CDH18: variants seen among roughly 807,000 people sequenced by gnomAD.
The protein encoded by CDH18 is cadherin-18.
CDH18 carries 31 observed loss-of-function variants against 67.9 expected under a neutral mutation model. The ratio of observed to expected loss-of-function variants is 0.46; its 90% CI spans 0.34 to 0.62. The LOEUF (loss-of-function observed/expected upper bound fraction) is 0.62. Ranked by LOEUF, CDH18 falls within the 20% of genes least tolerant of loss-of-function variation. The pLI, the probability that CDH18 is intolerant of heterozygous loss-of-function variation, is 0.01. For missense variants in CDH18, 890 were observed against 975.5 expected, an observed-to-expected ratio of 0.91 and a Z score of 1.17; for synonymous variants, 362 against 347.2, an observed-to-expected ratio of 1.04 and a Z score of -0.48.
chr5:20,560,468 T>TATACACACAC (rs1554019495), intron 1 of CDH18, among the ~76,000 whole-genome samples: 1 of 127,606 alleles, frequency 7.8e-6, no homozygotes. Flanking sequence ...CCAACACTCA[T>TATACACACAC]ACACACACAC....
chr5:19,859,088 C>T (rs1285460540), intron 2 of CDH18, among the ~76,000 whole-genome samples: 1 of 152,082 alleles, frequency 6.6e-6, no homozygotes, highest in East Asian at 1.9e-4. Context: ...AAAATCAACG[C>T]CATTGTAAAC....
intron 1 of CDH18, among the ~76,000 whole-genome samples, chr5:20,553,242 C>T (rs1757733982): frequency 6.6e-6 from 1 of 152,062 alleles, no homozygotes; most frequent in Non-Finnish European, 1.5e-5. Context: ...TTAATCTGGG[C>T]ATGTTTTATC....
At chr5:20,152,772 T>C (rs530632920) in intron 2 of CDH18, among the ~76,000 whole-genome samples, 4 of 152,148 alleles carry the variant, frequency 2.6e-5, no homozygotes, top group African/African-American at 4.8e-5. Flanking sequence ...GAGGATGCCA[T>C]TTGTAAGGAA....
chr5:20,364,118 T>G (rs533521753), intron 1 of CDH18, among the ~76,000 whole-genome samples: 82 of 152,288 alleles, frequency 5.4e-4, no homozygotes, highest in African/African-American at 1.9e-3. Context: ...GTTAATGTTG[T>G]CAAGTATTTC....
At chr5:19,722,915 A>G (rs773604688) in intron 4 of CDH18, among the ~76,000 whole-genome samples, 2 of 152,124 alleles carry the variant, frequency 1.3e-5, no homozygotes, top group African/African-American at 2.4e-5. Flanking sequence ...CTCAGGACCT[A>G]ATGTCCGTTC....
chr5:19,514,366 T>G (rs1484104841), intron 10 of CDH18, among the ~76,000 whole-genome samples: 1 of 152,224 alleles, frequency 6.6e-6, no homozygotes, highest in African/African-American at 2.4e-5. Context: ...TACCCAGTAA[T>G]GGGACCACTG....
At chr5:19,763,994 C>CAAAAAAAAAAAAAAAA (rs60958986) in intron 3 of CDH18, among the ~76,000 whole-genome samples, 1 of 65,300 alleles carries the variant, frequency 1.5e-5, no homozygotes, top group African/African-American at 6.2e-5. Flanking sequence ...ACTAAAAATA[C>CAAAAAAAAAAAAAAAA]AAAAAAAAAA....
intron 2 of CDH18, among the ~76,000 whole-genome samples, chr5:20,183,153 CTCAG>C (rs1466642608): frequency 4.4e-4 from 8 of 18,224 alleles, no homozygotes; most frequent in Non-Finnish European, 6.5e-4. Flanking sequence ...ATGTAAAGGG[CTCAG>C]AATAGTGTCT....
intron 2 of CDH18, among the ~76,000 whole-genome samples, chr5:20,109,452 C>A (rs11744487): frequency 0.37 from 56,010 of 152,040 alleles, 12,373 homozygotes; most frequent in Middle Eastern, 0.59. Context: ...AAGGGCTTTG[C>A]AGTTAAAACA....
At chr5:19,996,380 G>T (rs556532299) in intron 2 of CDH18, among the ~76,000 whole-genome samples, 2 of 151,932 alleles carry the variant, frequency 1.3e-5, no homozygotes, top group East Asian at 3.9e-4. Context: ...TATTAATGTC[G>T]TTCCCAAGTT....
At chr5:20,236,381 A>G (rs7702332) in intron 2 of CDH18, among the ~76,000 whole-genome samples, 105,726 of 151,038 alleles carry the variant, frequency 0.7, 37,657 homozygotes, top group African/African-American at 0.85. Context: ...AAAAAAATCC[A>G]ACCAAGAATC....
rs138943059 is a variant in CDH18 at position 19,761,114 on chromosome 5, G to C, written c.229-13878C>G. 7.6e-3 allele frequency among the ~76,000 whole-genome samples: 1,163 copies of C among 152,210 alleles called. 9 individuals are homozygous for C. Among genetic ancestry groups the C allele is most frequent in the Middle Eastern group, 0.024 (7 of 294 alleles). On this transcript the variant is annotated intron_variant, in intron 3 of 12. Transcript: ENST00000382275. ...TTAACAGTAGATACCTGGCGAGGTC[G>C]TGCATGCATCTTTCACTGCAGGTCA...
At chr5:20,399,818 C>T (rs192341968) in intron 1 of CDH18, among the ~76,000 whole-genome samples, 1 of 152,216 alleles carries the variant, frequency 6.6e-6, no homozygotes, top group Non-Finnish European at 1.5e-5. Flanking sequence ...TTATTATCTT[C>T]TTTGAGACAT....
chr5:20,269,931 A>G lies in CDH18; in HGVS notation c.-579-14426T>C, dbSNP rs548911723. ...TCAAAAATAAAGATAGCTCAATAAT[A>G]CCAGGATAAGTCAACATGCAATAGG... On this transcript the variant is annotated intron_variant, in intron 1 of 14. Coordinates refer to the CDH18 transcript ENST00000507958. 2.0e-5 allele frequency among the ~76,000 whole-genome samples: 3 copies of G among 152,178 alleles called. No homozygotes were observed. The South Asian group carries it at 6.2e-4, about 32-fold the overall frequency.
intron 1 of CDH18, among the ~76,000 whole-genome samples, chr5:20,484,803 G>T (rs1753058586): frequency 6.6e-6 from 1 of 152,044 alleles, no homozygotes; most frequent in Non-Finnish European, 1.5e-5. Flanking sequence ...AGGCTGGGAA[G>T]GGTAGTGGCG....
intron 5 of CDH18, among the ~76,000 whole-genome samples, chr5:19,639,190 G>C (rs1753682972): frequency 6.6e-6 from 1 of 151,806 alleles, no homozygotes; most frequent in South Asian, 2.1e-4. Context: ...TTTTAGTAGA[G>C]ACGGGGTTTC....
chr5:20,193,747 C>G (rs1040388328), intron 2 of CDH18, among the ~76,000 whole-genome samples: 29 of 152,108 alleles, frequency 1.9e-4, no homozygotes, highest in African/African-American at 7.0e-4. Flanking sequence ...AAAAACTTAT[C>G]CACCATGATC....
intron 2 of CDH18, among the ~76,000 whole-genome samples, chr5:20,107,875 C>A (rs113028803): frequency 0.041 from 6,200 of 150,806 alleles, 408 homozygotes; most frequent in African/African-American, 0.14. Flanking sequence ...TTAACTCGTC[C>A]TTTAGCATTA....
intron 10 of CDH18, among the ~76,000 whole-genome samples, chr5:19,513,724 G>C (rs934636547): frequency 4.0e-5 from 6 of 151,856 alleles, no homozygotes; most frequent in Non-Finnish European, 7.4e-5. Context: ...TGGCTGAACT[G>C]TTTCCTAGAA....
Sources: gnomAD v4.1 joint callset for allele counts (sites outside exome capture counted in the v4.1 genomes callset) on GRCh38, gnomAD v4.1.1 for gene constraint, MANE v1.5 for transcripts, NCBI Gene and HGNC (gene_info 2026-07-23, HGNC 2026-07-21) for gene names.